The following CADPS2 variants were observed in gnomAD, a reference collection of about 807,000 sequenced individuals.
CADPS2 encodes the protein calcium dependent secretion activator 2.
A neutral mutation model predicts 172.5 loss-of-function variants in CADPS2; 93 were observed. The ratio of observed to expected loss-of-function variants is 0.54; its 90% CI spans 0.46 to 0.64. The LOEUF (loss-of-function observed/expected upper bound fraction) is 0.64, where lower values mean the gene tolerates loss of function less well. Ranked by LOEUF, CADPS2 falls within the 30% of genes least tolerant of loss-of-function variation. The pLI is 0.00. For synonymous variants in CADPS2, 546 were observed against 555.2 expected, an observed-to-expected ratio of 0.98 and a Z score of 0.23; for missense variants, 1,420 against 1,565.9, an observed-to-expected ratio of 0.91 and a Z score of 1.57.
intron 14 of CADPS2, among the ~76,000 whole-genome samples, chr7:122,453,087 T>C (rs1323663348): frequency 2.6e-5 from 4 of 152,226 alleles, no homozygotes; most frequent in Non-Finnish European, 5.9e-5. Flanking sequence ...CTGGAATTTA[T>C]GCTTTGAAAA....
chr7:122,877,928 G>C (rs924174119), intron 1 of CADPS2, among the ~76,000 whole-genome samples: 1 of 152,144 alleles, frequency 6.6e-6, no homozygotes, highest in African/African-American at 2.4e-5. Flanking sequence ...CGGTGAGTGA[G>C]TGAGAAGATG....
At chr7:122,363,770 T>G (rs1563154168) in intron 25 of CADPS2, among the ~76,000 whole-genome samples, 1 of 152,194 alleles carries the variant, frequency 6.6e-6, no homozygotes. Context: ...ATTATCCATA[T>G]GATTAGCAAA....
chr7:122,439,855 C>T (rs963692905), intron 16 of CADPS2, among the ~76,000 whole-genome samples: 4 of 152,090 alleles, frequency 2.6e-5, no homozygotes, highest in Non-Finnish European at 5.9e-5. Flanking sequence ...TACTATTATA[C>T]TTCCCATGGC....
intron 1 of CADPS2, among the ~76,000 whole-genome samples, chr7:122,884,692 C>G (rs1056831391): frequency 3.9e-5 from 6 of 152,142 alleles, no homozygotes; most frequent in African/African-American, 1.4e-4. Flanking sequence ...AAATTTTTTT[C>G]TAAGAGGATA....
intron 14 of CADPS2, among the ~76,000 whole-genome samples, chr7:122,470,715 C>G (rs1464360218): frequency 3.9e-5 from 6 of 152,034 alleles, no homozygotes; most frequent in Non-Finnish European, 8.8e-5. Context: ...AGGCTGGTCT[C>G]AAACTCCTGG....
chr7:122,572,779 C>A (rs2067446233), intron 7 of CADPS2, among the ~76,000 whole-genome samples: 1 of 152,134 alleles, frequency 6.6e-6, no homozygotes, highest in African/African-American at 2.4e-5. Flanking sequence ...GGATGCTTGA[C>A]TGGTCAGCTG....
At chr7:122,698,287 T>C in intron 2 of CADPS2, 2 of 1,614,040 alleles carry the variant, frequency 1.2e-6, no homozygotes, top group East Asian at 2.2e-5. Flanking sequence ...ACAAAGTCTA[T>C]GAATGTGATA....
chr7:122,470,696 C>T (rs2152149321), intron 14 of CADPS2, among the ~76,000 whole-genome samples: 1 of 152,022 alleles, frequency 6.6e-6, no homozygotes, highest in East Asian at 2.0e-4. Context: ...AGGTTTCACT[C>T]AGTTGGCCAG....
chr7:122,798,681 C>T (rs1192197924), intron 1 of CADPS2, among the ~76,000 whole-genome samples: 1 of 152,054 alleles, frequency 6.6e-6, no homozygotes, highest in Non-Finnish European at 1.5e-5. Flanking sequence ...TTTTTGTAGA[C>T]TTAATTATAT....
intron 14 of CADPS2, among the ~76,000 whole-genome samples, chr7:122,466,919 T>C (rs2055218844): frequency 6.6e-6 from 1 of 152,194 alleles, no homozygotes; most frequent in Admixed American, 6.5e-5. Context: ...CCCTTCCCCT[T>C]TTCTTTTTCT....
intron 1 of CADPS2, among the ~76,000 whole-genome samples, chr7:122,777,910 G>A (rs1452566755): frequency 6.6e-6 from 1 of 152,162 alleles, no homozygotes; most frequent in Non-Finnish European, 1.5e-5. Flanking sequence ...AGAGTGGGGT[G>A]CTGCTATAAC....
intron 3 of CADPS2, among the ~76,000 whole-genome samples, chr7:122,653,987 A>G (rs2079462592): frequency 6.6e-6 from 1 of 152,208 alleles, no homozygotes; most frequent in Non-Finnish European, 1.5e-5. Flanking sequence ...AAGTGAAATG[A>G]AGAGTCGCAT....
intron 1 of CADPS2, among the ~76,000 whole-genome samples, chr7:122,851,565 C>T (rs1196564951): frequency 3.9e-5 from 6 of 152,168 alleles, no homozygotes; most frequent in Non-Finnish European, 8.8e-5. Context: ...CTAATAAAGA[C>T]ATACCCAAGA....
At chr7:122,525,125 G>A (rs890542201) in intron 8 of CADPS2, among the ~76,000 whole-genome samples, 5 of 145,040 alleles carry the variant, frequency 3.4e-5, no homozygotes, top group Non-Finnish European at 4.5e-5. Context: ...GGACAACACA[G>A]TGAGACCCTG....
intron 2 of CADPS2, among the ~76,000 whole-genome samples, chr7:122,720,525 T>A (rs77706461): frequency 1.3e-4 from 19 of 151,326 alleles, no homozygotes; most frequent in African/African-American, 4.6e-4. Context: ...TATACATATG[T>A]GTATGCAGAT....
rs71159788 is a variant in CADPS2 at position 122,323,873 on chromosome 7, TTA to T, written c.3717+1602_3717+1603del. ...TGCATATTATATACATATGTATATTTTATATATATATATATATATATATATAT... is the reference window on the plus strand; with the variant it reads ...TGCATATTATATACATATGTATATTTTATATATATATATATATATATATAT... On this transcript the variant is annotated intron_variant, in intron 29 of 29. Coordinates refer to ENST00000449022, the MANE Select transcript of CADPS2 (RefSeq NM_017954.11). Among the ~76,000 whole-genome samples, 313 of 112,100 alleles carry T rather than the reference TTA, an allele frequency of 2.8e-3. 1 individual carries two copies. Among genetic ancestry groups the T allele is most frequent in the African/African-American group, 1.0e-2 (245 of 24,594 alleles). The allele number at this position is 112,100 out of a possible 152,430, so 73.5% of individuals were successfully genotyped here. A position where few individuals can be genotyped will look rare whatever the true frequency, so the allele number is the denominator to read the frequency against.
intron 27 of CADPS2, among the ~76,000 whole-genome samples, chr7:122,359,396 G>T (rs1363736105): frequency 6.6e-6 from 1 of 152,056 alleles, no homozygotes; most frequent in Non-Finnish European, 1.5e-5. Flanking sequence ...TTAGAGAGGG[G>T]TTACTTGCAC....
chr7:122,692,603 T>G (rs911136843), intron 2 of CADPS2, among the ~76,000 whole-genome samples: 8 of 152,122 alleles, frequency 5.3e-5, no homozygotes, highest in African/African-American at 1.9e-4. Flanking sequence ...TGCGGCCACA[T>G]AGCCGACCCA....
chr7:122,376,478 G>A (rs1445883881), intron 25 of CADPS2, among the ~76,000 whole-genome samples: 1 of 152,104 alleles, frequency 6.6e-6, no homozygotes, highest in Non-Finnish European at 1.5e-5. Flanking sequence ...AGACACAGAA[G>A]ATTAAATATT....
Sources: gnomAD v4.1 joint callset for allele counts (sites outside exome capture counted in the v4.1 genomes callset) on GRCh38, gnomAD v4.1.1 for gene constraint, MANE v1.5 for transcripts, NCBI Gene and HGNC (gene_info 2026-07-23, HGNC 2026-07-21) for gene names.